UBR2: variants seen among roughly 807,000 people sequenced by gnomAD.
UBR2 encodes ubiquitin protein ligase E3 component n-recognin 2.
Under a neutral mutation model 247.9 loss-of-function variants are expected in UBR2, and 92 were observed. The observed-to-expected ratio is 0.37, with a 90% CI of 0.31 to 0.44. The LOEUF (loss-of-function observed/expected upper bound fraction) is 0.44. UBR2 is among the 20% of genes least tolerant of loss of function. The probability of loss-of-function intolerance (pLI) is 1.00; values close to 1 mark genes in which losing one functional copy is unlikely to be tolerated. For synonymous variants in UBR2, 672 were observed against 693.5 expected (o/e 0.97, Z 0.49); for missense variants, 1,613 against 2,112.6 (o/e 0.76, Z 4.64).
At chr6:42,579,600 G>A (rs897862489) in intron 2 of UBR2, among the ~76,000 whole-genome samples, 1 of 152,154 alleles carries the variant, frequency 6.6e-6, no homozygotes, top group African/African-American at 2.4e-5. Context: ...ATAACTCACT[G>A]CAGCCTCCAA....
chr6:42,670,676 T>A lies in UBR2; in HGVS notation c.4047T>A (p.Asp1349Glu), dbSNP rs763715089. Residue 1349 changes from aspartate (D) to glutamate (E), a missense_variant, in exon 36 of 47, where the codon GAT becomes GAA. Asp to Glu is a conservative substitution (Grantham distance 45). Around this residue, in one of 3 missense-constraint regions of UBR2, gnomAD observed 1,524 missense variants for 1,967.3 expected, o/e 0.77. Coordinates refer to ENST00000372901, the MANE Select transcript of UBR2 (RefSeq NM_001363705.2). ...AATCTGTAGAAAGAATTTTGAGTGA[T>A]GAAGATAAACCATTGTTTGGTCCTT... is the stretch of plus-strand genomic sequence containing the variant. ...TIQSIERILS[D>E]EDKPLFGPLP... 1 of 1,609,580 alleles carries A rather than the reference T, an allele frequency of 6.2e-7. No individual in the cohort carries two copies. The highest frequency in any genetic ancestry group is 1.1e-5 in the South Asian group (1 of 90,286).
chr6:42,636,193 T>C (rs1796085626), intron 14 of UBR2, among the ~76,000 whole-genome samples: 1 of 150,668 alleles, frequency 6.6e-6, no homozygotes, highest in South Asian at 2.1e-4. Context: ...TTTTTTTTTT[T>C]TTTGAGACAC....
rs1350790644 is a variant in UBR2, at chr6:42,619,442, TATATATA to T, written c.1281+1936_1281+1942del. On this transcript the variant is annotated intron_variant, in intron 11 of 46. Coordinates refer to ENST00000372901, the MANE Select transcript of UBR2 (RefSeq NM_001363705.2). ...ATATATATATATATATATATATATA[TATATATA>T]TATATTTTTTTTTTTTAGTTCTCTA... The T allele has an allele frequency of 1.7e-3, 60 of 35,910 alleles. 3 individuals are homozygous for T. In the East Asian group the frequency reaches 0.019, roughly 11 times the overall value. The allele number at this position is 35,910 out of a possible 1,614,324, so 2.2% of individuals were successfully genotyped here.
intron 24 of UBR2, 35 bp downstream of exon 24, chr6:42,652,106 C>CT: frequency 1.3e-6 from 2 of 1,545,690 alleles, no homozygotes; most frequent in South Asian, 1.2e-5. Context: ...TCTTGCCCAT[C>CT]TTTTTTGCTT....
intron 2 of UBR2, among the ~76,000 whole-genome samples, chr6:42,578,971 AAAC>A (rs869209115): frequency 2.8e-4 from 25 of 89,278 alleles, no homozygotes; most frequent in Non-Finnish European, 6.9e-5. Context: ...ACACACACAC[AAAC>A]ACACACACAC....
At chr6:42,615,890 T>C (rs1794510956) in intron 9 of UBR2, 112 bp from the exon 10 acceptor site, 1 of 798,748 alleles carries the variant, frequency 1.3e-6, no homozygotes, top group Non-Finnish European at 1.9e-6. Context: ...AGACACTGTC[T>C]CAAAAGTAAA....
intron 22 of UBR2, among the ~76,000 whole-genome samples, 181 bp downstream of exon 22, chr6:42,648,351 C>G (rs1562356100): frequency 6.6e-6 from 1 of 152,194 alleles, no homozygotes; most frequent in Non-Finnish European, 1.5e-5. Flanking sequence ...TGATCTCACC[C>G]TGTACTCAGC....
At chr6:42,608,574 G>T (rs1053981086) in intron 7 of UBR2, among the ~76,000 whole-genome samples, 2 of 152,160 alleles carry the variant, frequency 1.3e-5, no homozygotes, top group Non-Finnish European at 2.9e-5. Context: ...AGGGTATAGT[G>T]AGCTTTGATT....
At chr6:42,588,926 A>G in intron 2 of UBR2, among the ~76,000 whole-genome samples, 1 of 152,190 alleles carries the variant, frequency 6.6e-6, no homozygotes, top group East Asian at 1.9e-4. Flanking sequence ...CAAGTTGAGA[A>G]ATATTCCTCA....
intron 5 of UBR2, 25 bp downstream of exon 5, chr6:42,603,743 A>G: frequency 4.5e-6 from 7 of 1,570,334 alleles, no homozygotes; most frequent in Non-Finnish European, 6.0e-6. Flanking sequence ...TTTATTCTTC[A>G]TGTATGAAGA....
chr6:42,605,602 T>C (rs904247961), intron 5 of UBR2, 119 bp from the exon 6 acceptor site: 3 of 820,284 alleles, frequency 3.7e-6, no homozygotes, highest in Non-Finnish European at 5.4e-6. Context: ...GATGAATTCT[T>C]TACAGATATG....
In UBR2 at chr6:42,665,466, G is replaced by A. The variant is rs202052852; in HGVS notation, c.3756G>A (p.Gln1252=). 28 of 1,613,022 alleles carry A rather than the reference G, an allele frequency of 1.7e-5. No individual in the cohort carries two copies. The highest frequency in any genetic ancestry group is 2.4e-5 in the Non-Finnish European group (28 of 1,179,512). Residue 1252 remains glutamine, a synonymous_variant, in exon 33 of 47, where the codon CAG becomes CAA. Coordinates refer to ENST00000372901, the MANE Select transcript of UBR2 (RefSeq NM_001363705.2). ...CTCAGTGGATTAGAACAATATCTCA[G>A]CAAATAAAAGCATTACAGTTTCTTA... is the stretch of plus-strand genomic sequence containing the variant. ...NLTQWIRTIS[Q]QIKALQFLRK...
intron 33 of UBR2, among the ~76,000 whole-genome samples, chr6:42,665,735 C>T (rs1424166351): frequency 6.6e-6 from 1 of 151,736 alleles, no homozygotes; most frequent in Non-Finnish European, 1.5e-5. Flanking sequence ...TCACTTATTC[C>T]CCCATTTTAT....
chr6:42,675,207 T>A (rs767169838), intron 38 of UBR2, among the ~76,000 whole-genome samples: 1 of 152,320 alleles, frequency 6.6e-6, no homozygotes, highest in Admixed American at 6.5e-5. Context: ...CCACCACCAC[T>A]TATACTGCCA....
chr6:42,615,828 G>A (rs1794505552), intron 9 of UBR2, among the ~76,000 whole-genome samples, 174 bp from the exon 10 acceptor site: 1 of 151,922 alleles, frequency 6.6e-6, no homozygotes, highest in Non-Finnish European at 1.5e-5. Context: ...GGAGGCCAAG[G>A]CAGGAGGATC....
At position 42,643,608 on chromosome 6, in the gene UBR2, A is replaced by G. The variant is rs1283529585; in HGVS notation, c.2098-606A>G. On this transcript the variant is annotated intron_variant, in intron 18 of 46. Coordinates refer to ENST00000372901, the MANE Select transcript of UBR2 (RefSeq NM_001363705.2). Reference sequence around the variant, plus strand: ...GAGACTCCGTCTCAAAAAATAAATAAATAAAAATAAAGTCAAGAAATGTAT... The same window carrying G: ...GAGACTCCGTCTCAAAAAATAAATAGATAAAAATAAAGTCAAGAAATGTAT... Among the ~76,000 whole-genome samples, 3 of 152,298 alleles carry G rather than the reference A, an allele frequency of 2.0e-5. No individual in the cohort carries two copies. The East Asian group carries it at 5.8e-4, about 29-fold the overall frequency.
Position 42,689,762 on chromosome 6 carries a change from G to T in UBR2, c.5126+92G>T, listed in dbSNP as rs1799648128. On this transcript the variant is annotated intron_variant, in intron 46 of 46. Transcript: ENST00000372901. This position sits in a 1 kb window ranked among gnomAD's most constrained non-coding sequence, Gnocchi z 4.0. The stretch of plus-strand genomic sequence containing the variant: ...GAGGGTGGAGGGCTGAGGTGGTTCT[G>T]GAAGAGGTGGCTGTGTTATCTGTGG... The T allele has an allele frequency of 1.8e-6, 2 of 1,136,846 alleles. No individual in the cohort carries two copies. The highest frequency in any genetic ancestry group is 3.1e-5 in the African/African-American group (2 of 65,364). The allele number at this position is 1,136,846 out of a possible 1,614,324, so 70.4% of individuals were successfully genotyped here. A position where few individuals can be genotyped will look rare whatever the true frequency, so the allele number is the denominator to read the frequency against.
chr6:42,576,693 G>A (rs908416658), intron 2 of UBR2, among the ~76,000 whole-genome samples: 20 of 151,828 alleles, frequency 1.3e-4, no homozygotes, highest in African/African-American at 4.4e-4. Flanking sequence ...GCTAATCTGT[G>A]TATTTTTAGT....
rs1582478005 is a variant in UBR2 at position 42,594,275 on chromosome 6, C to A, written c.502C>A (p.Leu168Ile). Residue 168 changes from leucine (L) to isoleucine (I), a missense_variant, in exon 4 of 47, where the codon CTT (leucine) becomes ATT (isoleucine). Transcript: ENST00000372901. ...KEGPYCQKHELNTSEIEEEED... is the reference protein window; with the variant it reads ...KEGPYCQKHEINTSEIEEEED... The stretch of plus-strand genomic sequence containing the variant: ...GGGTCCTTACTGTCAAAAACATGAA[C>A]TTAACACCTCTGAAATTGAGGAAGA... 6.2e-7 allele frequency: 1 copy of A among 1,611,466 alleles called. No individual in the cohort carries two copies. Among genetic ancestry groups the A allele is most frequent in the African/African-American group, 1.3e-5 (1 of 74,832 alleles).
Sources: gnomAD v4.1 joint callset for allele counts (sites outside exome capture counted in the v4.1 genomes callset) on GRCh38, gnomAD v4.1.1 for gene constraint, gnomAD v4.1.1 regional missense constraint, Gnocchi (gnomAD v3.1) non-coding constraint, MANE v1.5 for transcripts, NCBI Gene and HGNC (gene_info 2026-07-23, HGNC 2026-07-21) for gene names.